Variants in ZNF730 observed in about 807,000 individuals in gnomAD.
The protein encoded by ZNF730 is zinc finger protein 730.
Under a neutral mutation model 12.6 loss-of-function variants are expected in ZNF730, and 12 were observed. The observed-to-expected ratio is 0.95, with a 90% confidence interval of 0.61 to 1.54. The LOEUF (loss-of-function observed/expected upper bound fraction) is 1.54, where lower values mean the gene tolerates loss of function less well. Among genes scored for constraint, ZNF730 ranks in the 40% most tolerant of loss-of-function variants. ZNF730 has a pLI of 0.00. For synonymous variants in ZNF730, 194 were observed against 195.8 expected, an observed-to-expected ratio of 0.99 and a Z score of 0.08; for missense variants, 643 against 583.5, an observed-to-expected ratio of 1.10 and a Z score of -1.05.
At chr19:23,118,696 C>T (rs1030579633) in intron 1 of ZNF730, among the ~76,000 whole-genome samples, 5 of 152,202 alleles carry the variant, frequency 3.3e-5, no homozygotes. Flanking sequence ...CATTGCGGGT[C>T]AGCCAATCTT....
chr19:23,111,680 C>T (rs575705218), intron 1 of ZNF730, among the ~76,000 whole-genome samples: 1 of 151,304 alleles, frequency 6.6e-6, no homozygotes, highest in East Asian at 1.9e-4. Flanking sequence ...ACCCAGGAGG[C>T]GGAGGTTTCA....
chr19:23,102,901 G>A (rs1391791883), intron 1 of ZNF730, among the ~76,000 whole-genome samples: 2 of 152,160 alleles, frequency 1.3e-5, no homozygotes, highest in East Asian at 3.8e-4. Flanking sequence ...CTTCTTGTAC[G>A]AAGGTCCTAG....
intron 3 of ZNF730, among the ~76,000 whole-genome samples, chr19:23,137,453 T>A (rs922498385): frequency 3.3e-5 from 5 of 152,212 alleles, no homozygotes; most frequent in African/African-American, 1.2e-4. Context: ...GTATTGAGTA[T>A]AATTATTACT....
intron 1 of ZNF730, among the ~76,000 whole-genome samples, chr19:23,091,012 A>G (rs2145486255): frequency 6.6e-6 from 1 of 152,050 alleles, no homozygotes; most frequent in South Asian, 2.1e-4. Flanking sequence ...AAAAAAAAAA[A>G]AAGAAAAAGA....
At chr19:23,114,513 T>C (rs1599586030), upstream of ZNF730, among the ~76,000 whole-genome samples, 1 of 33,448 alleles carries the variant, frequency 3.0e-5, no homozygotes, top group African/African-American at 4.9e-5. Context: ...ATTTTATTTA[T>C]TTTTATTTAT....
intron 3 of ZNF730, among the ~76,000 whole-genome samples, chr19:23,139,709 G>C (rs1970886388): frequency 6.6e-6 from 1 of 152,002 alleles, no homozygotes; most frequent in South Asian, 2.1e-4. Context: ...ATTTTTAGTA[G>C]AGACAGGGTT....
chr19:23,119,906 G>C (rs902511900), intron 1 of ZNF730, among the ~76,000 whole-genome samples: 11 of 151,616 alleles, frequency 7.3e-5, no homozygotes, highest in Non-Finnish European at 8.8e-5. Flanking sequence ...TTTTAAAATA[G>C]TTTTGTAAGA....
intron 1 of ZNF730, among the ~76,000 whole-genome samples, chr19:23,080,880 C>G (rs1259120177): frequency 7.7e-6 from 1 of 129,866 alleles, no homozygotes; most frequent in East Asian, 2.2e-4. Context: ...GAGTCTTGCT[C>G]TGTCGCCCAG....
intron 1 of ZNF730, among the ~76,000 whole-genome samples, chr19:23,132,002 G>A (rs1599595686): frequency 6.7e-6 from 1 of 149,330 alleles, no homozygotes; most frequent in East Asian, 2.0e-4. Context: ...GAACAGGGCA[G>A]TGTGGCCCAC....
At chr19:23,140,679 C>T (rs377541734) in intron 3 of ZNF730, among the ~76,000 whole-genome samples, 176 of 140,254 alleles carry the variant, frequency 1.3e-3, no homozygotes, top group Middle Eastern at 9.9e-3. Context: ...TAAGGCCGGG[C>T]GTGGTGGCTC....
intron 1 of ZNF730, among the ~76,000 whole-genome samples, chr19:23,097,163 GTCACATAT>G (rs1436278875): frequency 6.6e-6 from 1 of 152,032 alleles, no homozygotes; most frequent in East Asian, 1.9e-4. Context: ...AAAAAGTATT[GTCACATAT>G]CACTGGGCCC....
At chr19:23,076,627 C>T (rs1030821898) in intron 1 of ZNF730, among the ~76,000 whole-genome samples, 1 of 152,128 alleles carries the variant, frequency 6.6e-6, no homozygotes, top group Non-Finnish European at 1.5e-5. Flanking sequence ...CTCAGAGGAG[C>T]AACTGGGTGG....
At chr19:23,139,159 T>TA (rs1009283141) in intron 3 of ZNF730, among the ~76,000 whole-genome samples, 4 of 152,180 alleles carry the variant, frequency 2.6e-5, no homozygotes, top group African/African-American at 9.7e-5. Context: ...AGCCTATGTC[T>TA]AAAAAATAAC....
rs1450210011 is a variant in ZNF730, at chr19:23,078,036, AAGGCCGC to A, written c.-94+2653_-94+2659del. On this transcript the variant is annotated intron_variant, in intron 1 of 2. Coordinates refer to the ZNF730 transcript ENST00000593635. ...TACCCAGGGACACAATACACTGCTG[AAGGCCGC>A]AGGGACCTCTGCCTAGGAAAGCCAG... 2.6e-5 allele frequency among the ~76,000 whole-genome samples: 4 copies of A among 152,296 alleles called. No individual in the cohort carries two copies. The East Asian group carries it at 7.7e-4, about 29-fold the overall frequency.
At chr19:23,127,484 C>T in intron 1 of ZNF730, 1 of 1,048,762 alleles carries the variant, frequency 9.5e-7, no homozygotes, top group Non-Finnish European at 1.5e-6. Flanking sequence ...TACTTTTTCC[C>T]TTGAAGCATC....
intron 1 of ZNF730, among the ~76,000 whole-genome samples, chr19:23,079,991 G>A (rs1006795432): frequency 1.3e-5 from 2 of 152,072 alleles, no homozygotes; most frequent in Non-Finnish European, 2.9e-5. Flanking sequence ...TATCTCCCAG[G>A]CTGGAGTGCA....
chr19:23,127,372 A>T lies in ZNF730; in HGVS notation c.4-6708A>T, dbSNP rs1205452620. 3 of 758,554 alleles carry T rather than the reference A, an allele frequency of 4.0e-6. No homozygotes were observed. In the Admixed American group the frequency reaches 6.3e-5, roughly 16 times the overall value. 47.0% of individuals were successfully genotyped at this position (758,554 alleles called of 1,614,324 possible). ...GACATAGGAACACTTCATGCATCAC[A>T]ACTGTGTTCTTGGATATTCCCAAAT... On this transcript the variant is annotated intron_variant, in intron 1 of 3. Coordinates refer to ENST00000597761, the MANE Select transcript of ZNF730 (RefSeq NM_001277403.2).
chr19:23,138,350 G>C (rs552478161), intron 3 of ZNF730, among the ~76,000 whole-genome samples: 1 of 152,202 alleles, frequency 6.6e-6, no homozygotes, highest in East Asian at 1.9e-4. Flanking sequence ...CCAGGTCTCT[G>C]TGTGGGTTTC....
intron 1 of ZNF730, among the ~76,000 whole-genome samples, chr19:23,083,027 A>G (rs112371096): frequency 1.3e-5 from 2 of 152,098 alleles, no homozygotes; most frequent in African/African-American, 2.4e-5. Flanking sequence ...ATCTGTTGCT[A>G]TACATTTGAA....
Sources: gnomAD v4.1 joint callset for allele counts (sites outside exome capture counted in the v4.1 genomes callset) on GRCh38, gnomAD v4.1.1 for gene constraint, MANE v1.5 for transcripts, NCBI Gene and HGNC (gene_info 2026-07-23, HGNC 2026-07-21) for gene names.